Variants in GUCY2F observed in about 807,000 individuals in gnomAD.
GUCY2F encodes the protein retinal guanylyl cyclase 2.
Under a neutral mutation model 73.1 loss-of-function variants are expected in GUCY2F, and 61 were observed. The observed-to-expected ratio is 0.83, with a 90% CI of 0.68 to 1.03. The LOEUF (loss-of-function observed/expected upper bound fraction) is 1.03. Among genes scored for constraint, GUCY2F ranks in the 50% least tolerant of loss-of-function variants. The probability of loss-of-function intolerance (pLI) is 0.00; values close to 1 mark genes in which losing one functional copy is unlikely to be tolerated. For synonymous variants in GUCY2F, 331 were observed against 307.8 expected (o/e 1.08, Z -0.79); for missense variants, 912 against 854.3 (o/e 1.07, Z -0.84).
intron 6 of GUCY2F, among the ~76,000 whole-genome samples, chrX:109,447,399 G>C (rs1322085685): frequency 4.5e-5 from 5 of 110,931 alleles, no homozygotes; most frequent in Non-Finnish European, 9.4e-5. Flanking sequence ...CGATAGACTG[G>C]ATTAAGAAAA....
intron 17 of GUCY2F, among the ~76,000 whole-genome samples, chrX:109,378,388 T>C (rs1420149804): frequency 5.4e-5 from 6 of 111,385 alleles, no homozygotes; most frequent in African/African-American, 2.0e-4. Context: ...AAAGCAACTA[T>C]TGGGAAATTT....
chrX:109,471,130 C>T (rs1603386211), intron 2 of GUCY2F, among the ~76,000 whole-genome samples: 1 of 111,728 alleles, frequency 9.0e-6, no homozygotes. Context: ...CAATCAGGTA[C>T]CTAATTTTGG....
At chrX:109,441,895 A>T (rs1196921565) in intron 6 of GUCY2F, among the ~76,000 whole-genome samples, 1 of 111,763 alleles carries the variant, frequency 8.9e-6, no homozygotes, top group Non-Finnish European at 1.9e-5. Context: ...CTGACATTTA[A>T]AAAAAATCTA....
intron 13 of GUCY2F, 67 bp from the exon 14 acceptor site, chrX:109,392,170 A>G: frequency 1.3e-6 from 1 of 747,463 alleles, no homozygotes; most frequent in Non-Finnish European, 2.0e-6. Flanking sequence ...ACACCTGCTA[A>G]AAATACACCA....
chrX:109,448,290 A>G, intron 5 of GUCY2F, 125 bp from the exon 6 acceptor site: 1 of 390,575 alleles, frequency 2.6e-6, no homozygotes, highest in Non-Finnish European at 4.5e-6. Flanking sequence ...GAGGATAATC[A>G]CACATGGATT....
At position 109,452,115 on chromosome X, in the gene GUCY2F, G is replaced by C. The variant is rs1260095369; in HGVS notation, c.1388-8C>G. The C allele has an allele frequency of 1.0e-6, 1 of 985,204 alleles. No individual in the cohort carries two copies. The highest frequency in any genetic ancestry group is 1.4e-6 in the Non-Finnish European group (1 of 690,455). The allele number at this position is 985,204 out of a possible 1,213,427, so 81.2% of individuals were successfully genotyped here. Reference sequence around the variant, plus strand: ...CAAAGGCAGGGTCGATGCCTGCAGAGAGTGAGAGGAAGAGGAAGAATGGCA... The same window carrying C: ...CAAAGGCAGGGTCGATGCCTGCAGACAGTGAGAGGAAGAGGAAGAATGGCA... On this transcript the variant is annotated splice_polypyrimidine_tract_variant and splice_region_variant and intron_variant, in intron 4 of 19. Coordinates refer to ENST00000218006, the MANE Select transcript of GUCY2F (RefSeq NM_001522.3).
At chrX:109,440,639 AG>A (rs905948351) in intron 7 of GUCY2F, among the ~76,000 whole-genome samples, 3 of 111,920 alleles carry the variant, frequency 2.7e-5, no homozygotes, top group African/African-American at 9.8e-5. Flanking sequence ...CTCACTTAGA[AG>A]GAACAGAAAG....
Position 109,452,019 on chromosome X carries a change from G to A in GUCY2F, c.1472+4C>T, listed in dbSNP as rs1012027481. The A allele has an allele frequency of 1.1e-6, 1 of 907,819 alleles. No individual in the cohort carries two copies. The highest frequency in any genetic ancestry group is 1.6e-6 in the Non-Finnish European group (1 of 619,233). 74.8% of individuals were successfully genotyped at this position (907,819 alleles called of 1,213,427 possible). On this transcript the variant is annotated splice_donor_region_variant and intron_variant, in intron 5 of 19. Transcript: ENST00000218006. Reference sequence around the variant, plus strand: ...TTTATATACAAAAATAACAAAAAATGTACCTTATAAAGTAAGCAAATCCAT... The same window carrying A: ...TTTATATACAAAAATAACAAAAAATATACCTTATAAAGTAAGCAAATCCAT...
intron 15 of GUCY2F, among the ~76,000 whole-genome samples, chrX:109,387,147 G>A (rs1159176872): frequency 2.7e-5 from 3 of 112,124 alleles, no homozygotes; most frequent in African/African-American, 9.7e-5. Context: ...AGTGATCCAG[G>A]CAAGAGATCT....
At chrX:109,383,654 T>C (rs2147250824) in intron 16 of GUCY2F, among the ~76,000 whole-genome samples, 1 of 112,006 alleles carries the variant, frequency 8.9e-6, no homozygotes, top group Admixed American at 9.4e-5. Flanking sequence ...ACGCGTATAC[T>C]TCTTTGTATG....
At chrX:109,418,666 T>C (rs978555425) in intron 8 of GUCY2F, among the ~76,000 whole-genome samples, 5 of 110,984 alleles carry the variant, frequency 4.5e-5, no homozygotes, top group African/African-American at 1.6e-4. Flanking sequence ...AATGTAAATA[T>C]GTCGCTTAAA....
chrX:109,434,153 G>A lies in GUCY2F; in HGVS notation c.1702-3757C>T, dbSNP rs759268887. Among the ~76,000 whole-genome samples, 22 of 110,634 alleles carry A rather than the reference G, an allele frequency of 2.0e-4. No individual in the cohort carries two copies. In the East Asian group the frequency reaches 2.6e-3, roughly 13 times the overall value. ...CACAGGGAGAAGCAAAGAGGAAAGA[G>A]TAGTCAGAAAATGAAGAGGGAAGAT... On this transcript the variant is annotated intron_variant, in intron 7 of 19. Transcript: ENST00000218006.
chrX:109,394,049 G>C (rs908506235), intron 12 of GUCY2F, among the ~76,000 whole-genome samples: 1 of 111,329 alleles, frequency 9.0e-6, no homozygotes, highest in Non-Finnish European at 1.9e-5. Flanking sequence ...TAGATGCTTT[G>C]GGCTCCCCCT....
chrX:109,459,039 T>A (rs750523336), intron 3 of GUCY2F, among the ~76,000 whole-genome samples: 21 of 111,485 alleles, frequency 1.9e-4, no homozygotes, highest in African/African-American at 6.5e-4. Flanking sequence ...TTGTGACTTA[T>A]TTTTTCCTTC....
intron 3 of GUCY2F, among the ~76,000 whole-genome samples, chrX:109,464,901 A>T (rs60808735): frequency 0.037 from 4,143 of 112,596 alleles, 160 homozygotes; most frequent in African/African-American, 0.12. Flanking sequence ...TCTTAAATAC[A>T]TTTATTCTTC....
chrX:109,460,675 A>G (rs1292572828), intron 3 of GUCY2F, among the ~76,000 whole-genome samples: 1 of 111,957 alleles, frequency 8.9e-6, no homozygotes, highest in African/African-American at 3.2e-5. Flanking sequence ...CATAAAACAT[A>G]GATCCTGCAG....
chrX:109,448,231 T>G, intron 5 of GUCY2F, 66 bp from the exon 6 acceptor site: 1 of 566,879 alleles, frequency 1.8e-6, no homozygotes, highest in African/African-American at 2.2e-5. Flanking sequence ...AGGGTTAATT[T>G]GCCCTAAGAT....
chrX:109,393,024 T>G lies in GUCY2F; in HGVS notation c.2456A>C (p.Asn819Thr). 8 of 1,113,349 alleles carry G rather than the reference T, an allele frequency of 7.2e-6. No homozygotes were observed. Among genetic ancestry groups the G allele is most frequent in the Non-Finnish European group, 9.9e-6 (8 of 808,001 alleles). The allele number at this position is 1,113,349 out of a possible 1,213,427, so 91.8% of individuals were successfully genotyped here. The change falls in exon 13 of 20, where the codon AAT becomes ACT. Residue 819 changes from asparagine to threonine, a missense_variant. Physicochemically the swap from Asn to Thr is moderately conservative, Grantham distance 65. Coordinates refer to ENST00000218006, the MANE Select transcript of GUCY2F (RefSeq NM_001522.3). ...FKTFNKGKKT[N>T]IIDSMLRMLE... ...CATCCGAAGCATAGAATCAATAATA[T>G]TGGTCTTCTTCCCTTTATTAAAAGT...
chrX:109,407,461 A>AT (rs972014658), intron 9 of GUCY2F, among the ~76,000 whole-genome samples: 3 of 113,019 alleles, frequency 2.7e-5, no homozygotes, highest in Admixed American at 1.9e-4. Context: ...AGCAAAACCT[A>AT]TTTTTTTAGG....
Sources: allele counts gnomAD v4.1 joint callset (sites outside exome capture counted in the v4.1 genomes callset), GRCh38; gene constraint gnomAD v4.1.1; transcripts MANE v1.5; gene names NCBI Gene and HGNC (gene_info 2026-07-23, HGNC 2026-07-21).